SYNJ2BP: variants seen among roughly 807,000 people sequenced by gnomAD.
The protein encoded by SYNJ2BP is synaptojanin-2-binding protein.
In SYNJ2BP, 10 loss-of-function variants were observed where a neutral mutation model predicts 16.9. The ratio of observed to expected loss-of-function variants is 0.59; its 90% CI spans 0.36 to 1.00. The LOEUF is 1.00. Among genes scored for constraint, SYNJ2BP ranks in the 50% least tolerant of loss-of-function variants. The pLI, the probability that SYNJ2BP is intolerant of heterozygous loss-of-function variation, is 0.01. For missense variants in SYNJ2BP, 162 were observed against 186.7 expected, an observed-to-expected ratio of 0.87 and a Z score of 0.77; for synonymous variants, 54 against 68.4, an observed-to-expected ratio of 0.79 and a Z score of 1.04.
At chr14:70,412,919 T>C (rs1888520263) in intron 1 of SYNJ2BP, among the ~76,000 whole-genome samples, 1 of 152,126 alleles carries the variant, frequency 6.6e-6, no homozygotes, top group African/African-American at 2.4e-5. Flanking sequence ...GTCACACTTT[T>C]TAGAGTAACT....
chr14:70,374,063 T>G (rs1887573841), intron 3 of SYNJ2BP, among the ~76,000 whole-genome samples: 1 of 152,218 alleles, frequency 6.6e-6, no homozygotes, highest in African/African-American at 2.4e-5. Flanking sequence ...AAGGCATGGT[T>G]TTTAGGGCTA....
At chr14:70,375,180 A>ATTTCTCTTTTT (rs1175892141) in intron 3 of SYNJ2BP, among the ~76,000 whole-genome samples, 1 of 144,836 alleles carries the variant, frequency 6.9e-6, no homozygotes, top group Non-Finnish European at 1.5e-5. Context: ...ACTGTTGTGA[A>ATTTCTCTTTTT]TTTCTCTTTT....
chr14:70,402,681 A>G lies in SYNJ2BP; in HGVS notation c.65-14075T>C, dbSNP rs192798349. Reference sequence around the variant, plus strand: ...AAGCCTGCTTTAAAAAAAAAAAAAGAAAGAAATTTTTAAAATATATATCTA... The same window carrying G: ...AAGCCTGCTTTAAAAAAAAAAAAAGGAAGAAATTTTTAAAATATATATCTA... On this transcript the variant is annotated intron_variant, in intron 1 of 3. Coordinates refer to ENST00000256366, the MANE Select transcript of SYNJ2BP (RefSeq NM_018373.3). Among the ~76,000 whole-genome samples the G allele has an allele frequency of 2.6e-5, 4 of 151,520 alleles. No individual in the cohort carries two copies. The East Asian group carries it at 5.8e-4, about 22-fold the overall frequency.
rs979651527 is a variant in SYNJ2BP, at chr14:70,368,183, A to G, written c.*4808T>C. ...AAAAGTCTCTAGAACTATTGGAATT[A>G]GTCTCAGAATAACTCATCTGATTGG... is the stretch of plus-strand genomic sequence containing the variant. On this transcript the variant is annotated 3_prime_UTR_variant, in exon 4 of 4. Coordinates refer to ENST00000256366, the MANE Select transcript of SYNJ2BP (RefSeq NM_018373.3). The G allele has an allele frequency of 6.6e-6, 1 of 152,208 alleles. No homozygotes were observed. Among genetic ancestry groups the G allele is most frequent in the African/African-American group, 2.4e-5 (1 of 41,452 alleles). 9.4% of individuals were successfully genotyped at this position (152,208 alleles called of 1,614,324 possible).
chr14:70,397,160 T>C (rs1340621489), intron 1 of SYNJ2BP, among the ~76,000 whole-genome samples: 9 of 152,176 alleles, frequency 5.9e-5, no homozygotes, highest in Non-Finnish European at 1.3e-4. Flanking sequence ...GTACATAATG[T>C]TAAGGCAAAA....
chr14:70,409,927 T>C (rs1234939311), intron 1 of SYNJ2BP, among the ~76,000 whole-genome samples: 1 of 148,938 alleles, frequency 6.7e-6, no homozygotes, highest in African/African-American at 2.5e-5. Context: ...CTGGGCAACA[T>C]AGTGAGATCT....
intron 1 of SYNJ2BP, among the ~76,000 whole-genome samples, chr14:70,405,620 C>A (rs960645883): frequency 1.3e-5 from 2 of 152,092 alleles, no homozygotes; most frequent in African/African-American, 4.8e-5. Flanking sequence ...GGCCACTGAT[C>A]TGCTCTTTAA....
chr14:70,383,006 AT>A (rs1463291600), intron 2 of SYNJ2BP, among the ~76,000 whole-genome samples: 3 of 152,206 alleles, frequency 2.0e-5, no homozygotes, highest in Admixed American at 6.5e-5. Context: ...TACTCTGGAT[AT>A]TGTAATTTTT....
rs148152005 is a variant in SYNJ2BP at position 70,416,920 on chromosome 14, T to C, written c.44A>G (p.Asn15Ser). The C allele has an allele frequency of 2.5e-4, 402 of 1,614,186 alleles. 1 individual carries two copies. The highest frequency in any genetic ancestry group is 2.4e-3 in the South Asian group (216 of 91,080). The part of the protein sequence containing the change: ...VDYLVTEEEI[N>S]LTRGPSGLGF... Reference sequence around the variant, plus strand: ...CATACCTGAGGGCCCTCTGGTAAGATTGATCTCTTCCTCAGTGACCAAATA... The same window carrying C: ...CATACCTGAGGGCCCTCTGGTAAGACTGATCTCTTCCTCAGTGACCAAATA... Residue 15 changes from asparagine (N) to serine (S), a missense_variant, in exon 1 of 4, where the codon AAT (asparagine) becomes AGT (serine). Transcript: ENST00000256366.
chr14:70,412,509 C>CAGTATATATACAGTATATATGTATGTAT (rs1555349762), intron 1 of SYNJ2BP, among the ~76,000 whole-genome samples: 3,532 of 87,438 alleles, frequency 0.04, 139 homozygotes, highest in Non-Finnish European at 0.066. Context: ...AGTATATATA[C>CAGTATATATACAGTATATATGTATGTAT]AGTATATATA....
chr14:70,393,258 T>C (rs1888017385), intron 1 of SYNJ2BP, among the ~76,000 whole-genome samples: 3 of 152,126 alleles, frequency 2.0e-5, no homozygotes. Context: ...AGAGATGCCA[T>C]CTCATGCCAA....
At chr14:70,398,999 C>T (rs903523276) in intron 1 of SYNJ2BP, among the ~76,000 whole-genome samples, 2 of 152,052 alleles carry the variant, frequency 1.3e-5, no homozygotes, top group African/African-American at 4.8e-5. Context: ...GTGTCAGGCT[C>T]GGAAGTCACC....
At chr14:70,413,476 T>A (rs536978481) in intron 1 of SYNJ2BP, among the ~76,000 whole-genome samples, 1 of 152,088 alleles carries the variant, frequency 6.6e-6, no homozygotes, top group East Asian at 1.9e-4. Flanking sequence ...CTGTCTCTAC[T>A]AAAAATACAA....
At chr14:70,413,365 G>A (rs1160405588) in intron 1 of SYNJ2BP, among the ~76,000 whole-genome samples, 6 of 152,204 alleles carry the variant, frequency 3.9e-5, no homozygotes, top group South Asian at 2.1e-4. Flanking sequence ...ATGGCTGGGC[G>A]GGGTGGCTCA....
intron 1 of SYNJ2BP, among the ~76,000 whole-genome samples, chr14:70,402,404 G>A (rs1451632660): frequency 2.0e-5 from 3 of 152,160 alleles, no homozygotes; most frequent in South Asian, 2.1e-4. Flanking sequence ...GCGCTGTGGA[G>A]GTTTGTGTGG....
chr14:70,388,730 C>T (rs1442895128), intron 1 of SYNJ2BP, 124 bp from the exon 2 acceptor site: 75 of 1,310,182 alleles, frequency 5.7e-5, no homozygotes, highest in Non-Finnish European at 6.3e-5. Context: ...GAGATGCTGG[C>T]GAGTCAGCCT....
At chr14:70,402,834 C>G (rs1161148667) in intron 1 of SYNJ2BP, among the ~76,000 whole-genome samples, 1 of 152,150 alleles carries the variant, frequency 6.6e-6, no homozygotes, top group Non-Finnish European at 1.5e-5. Flanking sequence ...ATACAACTTT[C>G]TAGCACTTAG....
intron 1 of SYNJ2BP, among the ~76,000 whole-genome samples, chr14:70,405,206 G>A (rs1888321650): frequency 6.6e-6 from 1 of 151,982 alleles, no homozygotes; most frequent in South Asian, 2.1e-4. Flanking sequence ...GCCAATATCA[G>A]AAAGTCAGTA....
intron 2 of SYNJ2BP, among the ~76,000 whole-genome samples, chr14:70,385,710 T>C (rs991606882): frequency 2.0e-5 from 3 of 152,292 alleles, no homozygotes; most frequent in Admixed American, 6.5e-5. Context: ...AAACCATACA[T>C]GCAATCTACT....
Sources: gnomAD v4.1 joint callset for allele counts (sites outside exome capture counted in the v4.1 genomes callset) on GRCh38, gnomAD v4.1.1 for gene constraint, MANE v1.5 for transcripts, NCBI Gene and HGNC (gene_info 2026-07-23, HGNC 2026-07-21) for gene names.